Variants in TCF12 observed in about 807,000 individuals in gnomAD.
TCF12 encodes DNA-binding protein HTF4.
Under a neutral mutation model 86.0 loss-of-function variants are expected in TCF12, and 45 were observed. That is an observed-to-expected ratio of 0.52 (90% CI 0.41 to 0.67). TCF12 has a LOEUF of 0.67. Ranked by LOEUF, TCF12 falls within the 30% of genes least tolerant of loss-of-function variation. TCF12 has a pLI of 0.00. For missense variants in TCF12, 881 were observed against 859.9 expected (o/e 1.02, Z -0.31); for synonymous variants, 330 against 299.6 (o/e 1.10, Z -1.05).
intron 18 of TCF12, among the ~76,000 whole-genome samples, chr15:57,266,102 T>G (rs1025640512): frequency 2.3e-4 from 34 of 148,660 alleles, no homozygotes; most frequent in South Asian, 6.3e-4. Context: ...TATTTATTTA[T>G]TTATTTATTT....
At chr15:57,214,946 G>A (rs533439191) in intron 8 of TCF12, among the ~76,000 whole-genome samples, 11 of 152,112 alleles carry the variant, frequency 7.2e-5, no homozygotes, top group Non-Finnish European at 1.3e-4. Context: ...ATTAAAAGAT[G>A]CACTATTGAT....
chr15:57,020,314 T>G (rs1809236851), intron 3 of TCF12, among the ~76,000 whole-genome samples: 1 of 152,190 alleles, frequency 6.6e-6, no homozygotes, highest in Non-Finnish European at 1.5e-5. Flanking sequence ...TCTTGAGGTC[T>G]TCTTGCAGAG....
intron 16 of TCF12, among the ~76,000 whole-genome samples, chr15:57,254,827 C>T (rs1193892170): frequency 7.1e-6 from 1 of 141,548 alleles, no homozygotes; most frequent in Admixed American, 7.3e-5. Flanking sequence ...TACTGCACTC[C>T]AGCCTAGGCC....
intron 3 of TCF12, among the ~76,000 whole-genome samples, chr15:56,937,838 G>T (rs147391769): frequency 5.9e-5 from 9 of 152,106 alleles, no homozygotes; most frequent in Non-Finnish European, 1.2e-4. Flanking sequence ...AGGTCTGTTT[G>T]TGTGGTGTAT....
intron 6 of TCF12, among the ~76,000 whole-genome samples, chr15:57,187,402 A>G (rs1028050239): frequency 2.6e-5 from 4 of 152,202 alleles, no homozygotes; most frequent in Admixed American, 2.6e-4. Flanking sequence ...TGTACTGGAA[A>G]TTCTAAACCA....
At chr15:57,108,515 A>G (rs1364743078) in intron 5 of TCF12, among the ~76,000 whole-genome samples, 1 of 152,120 alleles carries the variant, frequency 6.6e-6, no homozygotes, top group Non-Finnish European at 1.5e-5. Context: ...AAACTCTTAC[A>G]CAATTTCAGT....
intron 6 of TCF12, among the ~76,000 whole-genome samples, chr15:57,177,239 G>C (rs2055983273): frequency 6.6e-6 from 1 of 150,784 alleles, no homozygotes; most frequent in Non-Finnish European, 1.5e-5. Flanking sequence ...AAGAAAGTCT[G>C]ATCTTGGAGT....
intron 5 of TCF12, among the ~76,000 whole-genome samples, chr15:57,155,662 G>A (rs1444726304): frequency 1.3e-5 from 2 of 152,146 alleles, no homozygotes; most frequent in Non-Finnish European, 2.9e-5. Flanking sequence ...CTATGTGGGT[G>A]TGTGTGCCTG....
intron 3 of TCF12, among the ~76,000 whole-genome samples, chr15:56,953,302 GT>G (rs1404430846): frequency 6.6e-6 from 1 of 151,858 alleles, no homozygotes; most frequent in Admixed American, 6.6e-5. Flanking sequence ...TTGCTTTGTA[GT>G]TTTTTTCAAT....
intron 3 of TCF12, among the ~76,000 whole-genome samples, chr15:56,941,303 G>A (rs906205101): frequency 6.6e-6 from 1 of 151,970 alleles, no homozygotes; most frequent in African/African-American, 2.4e-5. Flanking sequence ...GAAAATCAAG[G>A]CTGCAGCAAG....
chr15:57,189,393 C>G (rs894391770), intron 6 of TCF12, among the ~76,000 whole-genome samples: 18 of 152,110 alleles, frequency 1.2e-4, no homozygotes, highest in African/African-American at 4.1e-4. Context: ...AATTCAACAA[C>G]AAGAAGATAA....
chr15:57,051,709 AT>A (rs1209258857), intron 3 of TCF12, among the ~76,000 whole-genome samples: 11 of 152,122 alleles, frequency 7.2e-5, no homozygotes, highest in Non-Finnish European at 1.5e-4. Context: ...GAGTGCCTTC[AT>A]TTAACCATAT....
chr15:57,254,874 A>AAAAAAAAAG (rs1555410242), intron 16 of TCF12, among the ~76,000 whole-genome samples: 2 of 108,844 alleles, frequency 1.8e-5, no homozygotes, highest in Admixed American at 1.0e-4. Flanking sequence ...AAAAAAAAAA[A>AAAAAAAAAG]AAAGAAAGAA....
intron 8 of TCF12, among the ~76,000 whole-genome samples, chr15:57,208,394 T>TTTTTTTC (rs2057950435): frequency 7.5e-6 from 1 of 132,860 alleles, no homozygotes; most frequent in South Asian, 2.6e-4. Context: ...TTTTTTTTTT[T>TTTTTTTC]TTTTTGGAGA....
chr15:57,153,074 G>A (rs775461078), intron 5 of TCF12, among the ~76,000 whole-genome samples: 9 of 152,066 alleles, frequency 5.9e-5, no homozygotes, highest in African/African-American at 9.7e-5. Flanking sequence ...GTGTCAACCC[G>A]GAATTATTTA....
At chr15:57,027,673 A>G (rs2065902164) in intron 3 of TCF12, among the ~76,000 whole-genome samples, 1 of 152,120 alleles carries the variant, frequency 6.6e-6, no homozygotes, top group Non-Finnish European at 1.5e-5. Flanking sequence ...ACAGTCCCAC[A>G]TTGATATGGT....
chr15:57,079,342 A>G (rs144048325), intron 4 of TCF12, among the ~76,000 whole-genome samples: 58 of 152,242 alleles, frequency 3.8e-4, no homozygotes, highest in African/African-American at 1.3e-3. Context: ...GAAGAATACT[A>G]TTTCTCACAC....
chr15:56,958,826 G>A (rs996108165), intron 3 of TCF12, among the ~76,000 whole-genome samples: 3 of 152,054 alleles, frequency 2.0e-5, no homozygotes, highest in African/African-American at 4.8e-5. Flanking sequence ...TTTGAGACCA[G>A]CCTGGGTAAT....
intron 3 of TCF12, among the ~76,000 whole-genome samples, chr15:57,061,753 A>G (rs1226587850): frequency 2.6e-5 from 4 of 152,222 alleles, no homozygotes; most frequent in Non-Finnish European, 5.9e-5. Flanking sequence ...TATATGTTCA[A>G]TAAAAGTGAT....
Sources: gnomAD v4.1 joint callset for allele counts (sites outside exome capture counted in the v4.1 genomes callset) on GRCh38, gnomAD v4.1.1 for gene constraint, MANE v1.5 for transcripts, NCBI Gene and HGNC (gene_info 2026-07-23, HGNC 2026-07-21) for gene names.